MEF2D: variants seen among roughly 807,000 people sequenced by gnomAD.
The protein encoded by MEF2D is myocyte-specific enhancer factor 2D.
Under a neutral mutation model 59.3 loss-of-function variants are expected in MEF2D, and 10 were observed. The observed-to-expected ratio is 0.17, with a 90% confidence interval of 0.10 to 0.29. MEF2D has a LOEUF of 0.29. Among genes scored for constraint, MEF2D ranks in the 10% least tolerant of loss-of-function variants. MEF2D has a pLI of 1.00. For synonymous variants in MEF2D, 305 were observed against 295.0 expected, an observed-to-expected ratio of 1.03 and a Z score of -0.35; for missense variants, 508 against 699.4, an observed-to-expected ratio of 0.73 and a Z score of 3.09.
chr1:156,469,589 T>TAA (rs57183071), intron 9 of MEF2D, among the ~76,000 whole-genome samples: 34,994 of 92,596 alleles, frequency 0.38, 4,536 homozygotes, highest in East Asian at 0.52. Context: ...GTGTTGAACT[T>TAA]AAAAAAAAAA....
At position 156,468,385 on chromosome 1, in the gene MEF2D, A is replaced by T; in HGVS notation, c.1248-86T>A. The stretch of plus-strand genomic sequence containing the variant: ...ACAAGTGATAGGACACCAGACAGAA[A>T]GTGAGAGAGAACAAGAGGATGAGAA... On this transcript the variant is annotated intron_variant, in intron 10 of 11. Transcript: ENST00000348159. This position sits in a 1 kb window ranked among gnomAD's most constrained non-coding sequence, Gnocchi z 4.3. 4.1e-6 allele frequency: 4 copies of T among 985,434 alleles called. No individual in the cohort carries two copies. The highest frequency in any genetic ancestry group is 6.0e-6 in the Non-Finnish European group (4 of 669,188). 61.0% of individuals were successfully genotyped at this position (985,434 alleles called of 1,614,324 possible). A position where few individuals can be genotyped will look rare whatever the true frequency, so the allele number is the denominator to read the frequency against.
chr1:156,479,697 G>T lies in MEF2D; in HGVS notation c.496C>A (p.Pro166Thr). The change falls in exon 5 of 12, where the codon CCT becomes ACT. Residue 166 changes from proline (P) to threonine (T), a missense_variant. By Grantham distance (38) the Pro-to-Thr change is conservative. Around this residue, in one of 2 missense-constraint regions of MEF2D, gnomAD observed 481 missense variants for 584.7 expected, o/e 0.82. Transcript: ENST00000348159. The stretch of plus-strand genomic sequence containing the variant: ...GTGAGGGATGATGTCACCAGGGAAG[G>T]GGTGACCAGGGAGCCGCTGGGATTG... ...FSNPSGSLVT[P>T]SLVTSSLTDP... 6.4e-7 allele frequency: 1 copy of T among 1,551,728 alleles called. No homozygotes were observed. Among genetic ancestry groups the T allele is most frequent in the Non-Finnish European group, 8.7e-7 (1 of 1,147,010 alleles).
At chr1:156,494,162 T>A (rs1672989978) in intron 1 of MEF2D, among the ~76,000 whole-genome samples, 1 of 152,074 alleles carries the variant, frequency 6.6e-6, no homozygotes, top group Non-Finnish European at 1.5e-5. Context: ...AGGGAAAATC[T>A]CAAGGTTTGA....
Position 156,483,327 on chromosome 1 carries a change from G to C in MEF2D, c.-35C>G, listed in dbSNP as rs373856289. ...GGGTCCTCAGTGCTACGGAGGGGAG[G>C]GGCTCGCTGGGTGGTGGGTCTCGGC... On this transcript the variant is annotated 5_prime_UTR_variant, in exon 2 of 12. Transcript: ENST00000348159. 2.5e-6 allele frequency: 4 copies of C among 1,605,594 alleles called. No individual in the cohort carries two copies. The highest frequency in any genetic ancestry group is 3.4e-6 in the Non-Finnish European group (4 of 1,172,240).
rs757103276 is a variant in MEF2D at position 156,477,133 on chromosome 1, T to C, written c.734A>G (p.Lys245Arg). 1.2e-6 allele frequency: 2 copies of C among 1,613,878 alleles called. No individual in the cohort carries two copies. Among genetic ancestry groups the C allele is most frequent in the Non-Finnish European group, 1.7e-6 (2 of 1,179,922 alleles). ...LPVANGNSLNKVIPAKSPPPP... is the reference protein window; with the variant it reads ...LPVANGNSLNRVIPAKSPPPP... Reference sequence around the variant, plus strand: ...GGGTGGAGACTTGGCAGGGATGACCTTGTTTAGGCTGTTGCCATTGGCCAC... The same window carrying C: ...GGGTGGAGACTTGGCAGGGATGACCCTGTTTAGGCTGTTGCCATTGGCCAC... The change falls in exon 7 of 12, where the codon AAG becomes AGG. Residue 245 changes from lysine to arginine, a missense_variant. Transcript: ENST00000348159.
chr1:156,482,646 G>A lies in MEF2D; in HGVS notation c.55-6C>T. The A allele has an allele frequency of 6.2e-7, 1 of 1,614,202 alleles. No homozygotes were observed. The highest frequency in any genetic ancestry group is 1.3e-5 in the African/African-American group (1 of 75,064). On this transcript the variant is annotated splice_polypyrimidine_tract_variant and splice_region_variant and intron_variant, in intron 2 of 11. Transcript: ENST00000348159. ...TTCCGCTTGGTGAAAGTCACCTGCA[G>A]AGAAGGATGGGTGGGCGGCCAGATC...
chr1:156,493,432 G>A (rs1414823748), intron 1 of MEF2D, among the ~76,000 whole-genome samples: 1 of 152,180 alleles, frequency 6.6e-6, no homozygotes, highest in Non-Finnish European at 1.5e-5. Context: ...CCCTGGCAGC[G>A]GAGGGAGGGC....
intron 1 of MEF2D, among the ~76,000 whole-genome samples, chr1:156,489,757 A>G (rs1571262842): frequency 6.6e-6 from 1 of 152,128 alleles, no homozygotes; most frequent in Non-Finnish European, 1.5e-5. Flanking sequence ...GGGGGCCTGG[A>G]CTGGACCCAG....
At chr1:156,469,140 G>C in intron 9 of MEF2D, 120 bp from the exon 10 acceptor site, 1 of 1,339,648 alleles carries the variant, frequency 7.5e-7, no homozygotes, top group Non-Finnish European at 1.0e-6. Flanking sequence ...AATGACAGAT[G>C]TAAGGAATTC....
chr1:156,477,687 G>C (rs1671709758), intron 6 of MEF2D, among the ~76,000 whole-genome samples: 1 of 152,150 alleles, frequency 6.6e-6, no homozygotes, highest in Non-Finnish European at 1.5e-5. Context: ...GAGAAGCCTG[G>C]TCACCATGAC....
chr1:156,496,406 G>A (rs772693768), intron 1 of MEF2D, among the ~76,000 whole-genome samples: 3 of 152,160 alleles, frequency 2.0e-5, no homozygotes, highest in Non-Finnish European at 4.4e-5. Flanking sequence ...CAGTGTGAGG[G>A]GCAGAGGCAG....
At position 156,476,999 on chromosome 1, in the gene MEF2D, G is replaced by A; in HGVS notation, c.855+13C>T. ...TTCCCCAGCCCCCACCCTTGGCCCA[G>A]ACACCCACTTACCAAGTGATGCATT... is the stretch of plus-strand genomic sequence containing the variant. On this transcript the variant is annotated intron_variant, in intron 7 of 11. Transcript: ENST00000348159. 6.2e-7 allele frequency: 1 copy of A among 1,613,462 alleles called. No homozygotes were observed. Among genetic ancestry groups the A allele is most frequent in the Non-Finnish European group, 8.5e-7 (1 of 1,179,806 alleles).
At chr1:156,471,926 C>T (rs1328149154) in intron 9 of MEF2D, among the ~76,000 whole-genome samples, 1 of 152,204 alleles carries the variant, frequency 6.6e-6, no homozygotes, top group Non-Finnish European at 1.5e-5. Flanking sequence ...TCACACACTT[C>T]CCAGCAGGGC....
At chr1:156,473,307 G>A (rs143634924) in intron 9 of MEF2D, among the ~76,000 whole-genome samples, 2 of 152,282 alleles carry the variant, frequency 1.3e-5, no homozygotes, top group Non-Finnish European at 2.9e-5. Context: ...GAGCCACCAC[G>A]CCTGGCCTGG....
At position 156,480,915 on chromosome 1, in the gene MEF2D, G is replaced by A; in HGVS notation, c.315C>T (p.Asp105=). 1 of 1,611,926 alleles carries A rather than the reference G, an allele frequency of 6.2e-7. No individual in the cohort carries two copies. Among genetic ancestry groups the A allele is most frequent in the South Asian group, 1.1e-5 (1 of 90,972 alleles). Residue 105 remains aspartate, a synonymous_variant, in exon 4 of 12, where the codon GAC becomes GAT. Coordinates refer to ENST00000348159, the MANE Select transcript of MEF2D (RefSeq NM_005920.4). ...CCAGCAGGGGGCTCTGTTCCAGCGA[G>A]TCCTCCCCGTCGGGCTCGGGGCTGT... is the stretch of plus-strand genomic sequence containing the variant. ...GCDSPEPDGE[D]SLEQSPLLED...
chr1:156,495,089 C>T (rs1452241286), intron 1 of MEF2D, among the ~76,000 whole-genome samples: 1 of 152,184 alleles, frequency 6.6e-6, no homozygotes, highest in Non-Finnish European at 1.5e-5. Flanking sequence ...TTTGTTCCTG[C>T]CCTCACACCC....
At position 156,480,823 on chromosome 1, in the gene MEF2D, G is replaced by A. The variant is rs1268582428; in HGVS notation, c.396+11C>T. ...GGGGGGGCCAACAGAGACAGAGTGA[G>A]TGGGGCTCACCCCATAGCGCCGGAA... On this transcript the variant is annotated intron_variant, in intron 4 of 11. Coordinates refer to ENST00000348159, the MANE Select transcript of MEF2D (RefSeq NM_005920.4). 1 of 1,593,130 alleles carries A rather than the reference G, an allele frequency of 6.3e-7. No individual in the cohort carries two copies. The highest frequency in any genetic ancestry group is 1.3e-5 in the African/African-American group (1 of 74,604).
chr1:156,475,752 A>C (rs188769638), intron 8 of MEF2D, among the ~76,000 whole-genome samples: 17 of 152,314 alleles, frequency 1.1e-4, no homozygotes, highest in Non-Finnish European at 2.4e-4. Context: ...CTGGGGCCGA[A>C]ACTGCCGCCG....
In MEF2D at chr1:156,483,216, G is replaced by A. The variant is rs778387753; in HGVS notation, c.54+23C>T. 4.3e-6 allele frequency: 7 copies of A among 1,613,618 alleles called. No homozygotes were observed. The South Asian group carries it at 4.4e-5, about 10-fold the overall frequency. The stretch of plus-strand genomic sequence containing the variant: ...CCTGCTCCCTGCCCTCACCCACTTC[G>A]TACGGCTCTAGGACTTCCCTACCTG... On this transcript the variant is annotated intron_variant, in intron 2 of 11. Transcript: ENST00000348159.
Sources: gnomAD v4.1 joint callset for allele counts (sites outside exome capture counted in the v4.1 genomes callset) on GRCh38, gnomAD v4.1.1 for gene constraint, gnomAD v4.1.1 regional missense constraint, Gnocchi (gnomAD v3.1) non-coding constraint, MANE v1.5 for transcripts, NCBI Gene and HGNC (gene_info 2026-07-23, HGNC 2026-07-21) for gene names.